PACS1: variants seen among roughly 807,000 people sequenced by gnomAD.
The protein encoded by PACS1 is phosphofurin acidic cluster sorting protein 1, also known as PACS-1.
In PACS1, 24 loss-of-function variants were observed where a neutral mutation model predicts 115.0. The ratio of observed to expected loss-of-function variants is 0.21; its 90% CI spans 0.15 to 0.29. PACS1 has a LOEUF of 0.29. Ranked by LOEUF, PACS1 falls within the 10% of genes least tolerant of loss-of-function variation. PACS1 has a pLI of 1.00. For synonymous variants in PACS1, 453 were observed against 504.5 expected, an observed-to-expected ratio of 0.90 and a Z score of 1.37; for missense variants, 838 against 1,251.2, an observed-to-expected ratio of 0.67 and a Z score of 4.98.
intron 1 of PACS1, among the ~76,000 whole-genome samples, chr11:66,122,368 T>C (rs889296703): frequency 6.6e-6 from 1 of 152,222 alleles, no homozygotes; most frequent in Non-Finnish European, 1.5e-5. Context: ...GAAATTAATG[T>C]TGTTTTCATG....
chr11:66,146,022 T>A (rs1859114486), intron 1 of PACS1, among the ~76,000 whole-genome samples: 1 of 151,952 alleles, frequency 6.6e-6, no homozygotes, highest in Non-Finnish European at 1.5e-5. Context: ...CAGTTGAGAG[T>A]TGCTACAATA....
At chr11:66,122,819 GA>G (rs796479149) in intron 1 of PACS1, among the ~76,000 whole-genome samples, 16 of 152,298 alleles carry the variant, frequency 1.1e-4, no homozygotes, top group African/African-American at 3.8e-4. Flanking sequence ...CTTGAGATGG[GA>G]CCTACTCCTG....
At chr11:66,229,903 G>A (rs529815350) in intron 11 of PACS1, among the ~76,000 whole-genome samples, 1 of 151,328 alleles carries the variant, frequency 6.6e-6, no homozygotes, top group Non-Finnish European at 1.5e-5. Flanking sequence ...CCAAGGTTGC[G>A]CCAAGATTGT....
intron 1 of PACS1, among the ~76,000 whole-genome samples, chr11:66,071,895 C>G (rs1477642540): frequency 6.6e-6 from 1 of 152,072 alleles, no homozygotes; most frequent in Non-Finnish European, 1.5e-5. Flanking sequence ...ATATATATAT[C>G]CCAGATAGGA....
intron 1 of PACS1, among the ~76,000 whole-genome samples, chr11:66,120,483 G>A (rs578192562): frequency 4.7e-4 from 72 of 152,204 alleles, no homozygotes; most frequent in South Asian, 8.3e-4. Flanking sequence ...GAGATATGAC[G>A]TTCCTTTAAA....
intron 10 of PACS1, among the ~76,000 whole-genome samples, chr11:66,224,056 G>A (rs537228471): frequency 6.6e-6 from 1 of 152,094 alleles, no homozygotes; most frequent in Non-Finnish European, 1.5e-5. Flanking sequence ...AATTAGCCAG[G>A]CATGGTGATG....
chr11:66,238,553 T>C (rs1246578343), intron 19 of PACS1: 1 of 432,042 alleles, frequency 2.3e-6, no homozygotes, highest in Non-Finnish European at 4.1e-6. Context: ...CAGGCTGGAG[T>C]GCAGTGGCGC....
At chr11:66,109,829 T>C (rs566163971) in intron 1 of PACS1, among the ~76,000 whole-genome samples, 2 of 152,372 alleles carry the variant, frequency 1.3e-5, no homozygotes, top group East Asian at 3.8e-4. Flanking sequence ...AAGTGAAAGC[T>C]GTTCCTGTTA....
intron 1 of PACS1, among the ~76,000 whole-genome samples, chr11:66,096,182 C>T (rs996589085): frequency 2.0e-5 from 3 of 150,780 alleles, no homozygotes; most frequent in African/African-American, 7.3e-5. Context: ...AGCCACCATG[C>T]CTGGTTTTCT....
chr11:66,130,539 A>T (rs1464162688), intron 1 of PACS1, among the ~76,000 whole-genome samples: 1 of 152,262 alleles, frequency 6.6e-6, no homozygotes, highest in African/African-American at 2.4e-5. Context: ...TTTAATATGT[A>T]TCCTTGGATA....
chr11:66,081,596 T>C (rs1443488999), intron 1 of PACS1, among the ~76,000 whole-genome samples: 2 of 152,200 alleles, frequency 1.3e-5, no homozygotes, highest in African/African-American at 4.8e-5. Flanking sequence ...CAAAATATTT[T>C]GGTTCTCTGA....
intron 1 of PACS1, among the ~76,000 whole-genome samples, chr11:66,114,181 G>T (rs1203780306): frequency 1.3e-5 from 2 of 151,982 alleles, no homozygotes; most frequent in Admixed American, 1.3e-4. Context: ...CACTTTGGGA[G>T]GCCGAGGCGG....
At chr11:66,141,997 G>T (rs1055412571) in intron 1 of PACS1, among the ~76,000 whole-genome samples, 1 of 151,958 alleles carries the variant, frequency 6.6e-6, no homozygotes, top group Non-Finnish European at 1.5e-5. Flanking sequence ...GTAGAGACGG[G>T]GTTTCACCAT....
At chr11:66,167,721 C>A (rs1893712) in intron 1 of PACS1, among the ~76,000 whole-genome samples, 2,588 of 150,158 alleles carry the variant, frequency 0.017, 290 homozygotes, top group Admixed American at 0.15. Context: ...AGGTGTGGAT[C>A]CAACTTTCCT....
intron 1 of PACS1, among the ~76,000 whole-genome samples, chr11:66,086,403 G>T (rs1857570445): frequency 6.6e-6 from 1 of 152,172 alleles, no homozygotes; most frequent in Non-Finnish European, 1.5e-5. Context: ...CTCCCAAAGT[G>T]CTGGGATTAC....
intron 1 of PACS1, among the ~76,000 whole-genome samples, chr11:66,136,752 G>A (rs745353743): frequency 2.0e-5 from 3 of 152,010 alleles, no homozygotes; most frequent in African/African-American, 4.8e-5. Flanking sequence ...TGGACTGCCC[G>A]AATTATTAAT....
intron 1 of PACS1, among the ~76,000 whole-genome samples, chr11:66,173,913 C>T (rs1225621100): frequency 1.3e-5 from 2 of 151,170 alleles, no homozygotes; most frequent in African/African-American, 4.9e-5. Flanking sequence ...ATTAGCTGGC[C>T]TGGTGGCACG....
At chr11:66,095,929 CT>C (rs1340031601) in intron 1 of PACS1, among the ~76,000 whole-genome samples, 18 of 150,754 alleles carry the variant, frequency 1.2e-4, no homozygotes, top group Non-Finnish European at 1.5e-4. Flanking sequence ...TTTGTAATTT[CT>C]TCTTTTTTTT....
At chr11:66,217,885 G>A (rs1001526799) in intron 7 of PACS1, 6 of 275,066 alleles carry the variant, frequency 2.2e-5, no homozygotes, top group Middle Eastern at 1.3e-3. Flanking sequence ...TCTTCCCAAC[G>A]GGTGCCCCCA....
Sources: allele counts gnomAD v4.1 joint callset (sites outside exome capture counted in the v4.1 genomes callset), GRCh38; gene constraint gnomAD v4.1.1; transcripts MANE v1.5; gene names NCBI Gene and HGNC (gene_info 2026-07-23, HGNC 2026-07-21).